Variants in IQCK observed in about 807,000 individuals in gnomAD.
IQCK encodes IQ domain-containing protein K.
Under a neutral mutation model 28.1 loss-of-function variants are expected in IQCK, and 29 were observed. That is an observed-to-expected ratio of 1.03 (90% confidence interval 0.77 to 1.41). IQCK has a LOEUF of 1.41. IQCK is among the 40% of genes most tolerant of loss of function. The pLI, the probability that IQCK is intolerant of heterozygous loss-of-function variation, is 0.00. For synonymous variants in IQCK, 113 were observed against 115.1 expected, an observed-to-expected ratio of 0.98 and a Z score of 0.12; for missense variants, 359 against 314.7, an observed-to-expected ratio of 1.14 and a Z score of -1.07.
At chr16:19,823,270 C>T (rs947825041) in intron 7 of IQCK, among the ~76,000 whole-genome samples, 15 of 152,114 alleles carry the variant, frequency 9.9e-5, no homozygotes, top group Non-Finnish European at 1.9e-4. Context: ...CCATGGTCAG[C>T]AGAGTTGGGG....
chr16:19,823,795 G>T (rs11863736), intron 7 of IQCK, among the ~76,000 whole-genome samples: 35,188 of 151,994 alleles, frequency 0.23, 4,274 homozygotes, highest in Admixed American at 0.28. Context: ...AAATTAGATG[G>T]GGTGGTGCAT....
chr16:19,755,882 T>A (rs1374170241), intron 4 of IQCK, among the ~76,000 whole-genome samples: 2 of 152,180 alleles, frequency 1.3e-5, no homozygotes, highest in Non-Finnish European at 2.9e-5. Flanking sequence ...TCCAAACACA[T>A]GCTGAAAGAG....
At chr16:19,833,378 T>A (rs549586927) in intron 9 of IQCK, among the ~76,000 whole-genome samples, 1 of 152,190 alleles carries the variant, frequency 6.6e-6, no homozygotes. Flanking sequence ...TAATACATTA[T>A]GCAATGTGAA....
intron 7 of IQCK, among the ~76,000 whole-genome samples, chr16:19,821,283 A>C (rs898496013): frequency 1.3e-5 from 2 of 152,242 alleles, no homozygotes; most frequent in Non-Finnish European, 2.9e-5. Context: ...GCCCTCATTC[A>C]TTGCTGGTGA....
chr16:19,792,854 C>T (rs1170993279), intron 7 of IQCK, among the ~76,000 whole-genome samples: 1 of 115,128 alleles, frequency 8.7e-6, no homozygotes, highest in Non-Finnish European at 1.6e-5. Context: ...GCTGGGATTA[C>T]AGGCGTGAGC....
intron 9 of IQCK, among the ~76,000 whole-genome samples, chr16:19,840,815 A>G (rs1417420057): frequency 6.6e-6 from 1 of 152,230 alleles, no homozygotes; most frequent in East Asian, 1.9e-4. Flanking sequence ...GATGTTATTT[A>G]TGGAGTTCAA....
intron 7 of IQCK, among the ~76,000 whole-genome samples, chr16:19,814,220 CAAAAA>C (rs71146272): frequency 4.6e-4 from 9 of 19,436 alleles, no homozygotes; most frequent in African/African-American, 5.3e-4. Context: ...AACTCTATCT[CAAAAA>C]AAAAAAAAAA....
exon 10 of IQCK, chr16:19,858,371 GCT>G: frequency 2.1e-6 from 1 of 473,682 alleles, no homozygotes; most frequent in Admixed American, 3.7e-5. Context: ...CTCAAAGATG[GCT>G]CTGTTCTTAT....
At chr16:19,858,259 ACT>A in exon 10 of IQCK, 1 of 393,576 alleles carries the variant, frequency 2.5e-6, no homozygotes, top group Non-Finnish European at 4.5e-6. Flanking sequence ...CGTTCAGCCC[ACT>A]CTCAACCTTA....
chr16:19,814,760 C>T (rs905504306), intron 7 of IQCK, among the ~76,000 whole-genome samples: 2 of 149,586 alleles, frequency 1.3e-5, no homozygotes, highest in African/African-American at 4.9e-5. Flanking sequence ...AGACAAAAGG[C>T]CGAAAACATT....
intron 4 of IQCK, chr16:19,762,119 G>A (rs981245755): frequency 5.9e-5 from 9 of 152,316 alleles, no homozygotes; most frequent in African/African-American, 1.7e-4. Flanking sequence ...TTATCTCATC[G>A]GGCAGAACTG....
At chr16:19,852,234 T>A (rs556671822) in intron 9 of IQCK, among the ~76,000 whole-genome samples, 2 of 152,270 alleles carry the variant, frequency 1.3e-5, no homozygotes, top group East Asian at 1.9e-4. Flanking sequence ...TCTTTTTACC[T>A]TTTGGGGGGT....
intron 6 of IQCK, among the ~76,000 whole-genome samples, chr16:19,767,242 G>A (rs566749928): frequency 1.1e-4 from 17 of 152,282 alleles, no homozygotes; most frequent in South Asian, 8.3e-4. Context: ...ATCTATAGGC[G>A]GTTTGTGTTA....
At chr16:19,849,950 A>G (rs1056892057) in intron 9 of IQCK, among the ~76,000 whole-genome samples, 1 of 152,136 alleles carries the variant, frequency 6.6e-6, no homozygotes. Flanking sequence ...AACAATTTCA[A>G]ATTTGCATAA....
At chr16:19,850,213 A>C (rs2056465818) in intron 9 of IQCK, among the ~76,000 whole-genome samples, 1 of 151,954 alleles carries the variant, frequency 6.6e-6, no homozygotes, top group Non-Finnish European at 1.5e-5. Context: ...AATCACAGAC[A>C]TTTTTGCTGT....
At chr16:19,730,049 G>A (rs776374635) in intron 1 of IQCK, among the ~76,000 whole-genome samples, 16 of 151,584 alleles carry the variant, frequency 1.1e-4, no homozygotes, top group Non-Finnish European at 2.1e-4. Flanking sequence ...TCTGCCTCCC[G>A]GGTTCAAGCA....
At chr16:19,828,109 C>T (rs1268710803), downstream of IQCK, among the ~76,000 whole-genome samples, 3 of 151,806 alleles carry the variant, frequency 2.0e-5, no homozygotes, top group African/African-American at 4.8e-5. Flanking sequence ...CACAGGGTTT[C>T]ACCATGTTGG....
intron 7 of IQCK, among the ~76,000 whole-genome samples, chr16:19,803,461 A>T (rs977662965): frequency 1.3e-5 from 2 of 152,092 alleles, no homozygotes; most frequent in African/African-American, 4.8e-5. Context: ...GTATTGTTTA[A>T]TAGCTCCCAG....
chr16:19,772,454 AATT>A (rs543879494), intron 6 of IQCK, among the ~76,000 whole-genome samples: 9 of 152,192 alleles, frequency 5.9e-5, no homozygotes, highest in Admixed American at 1.3e-4. Flanking sequence ...GAAATTAAAA[AATT>A]ATTATTTAAG....
Sources: allele counts gnomAD v4.1 joint callset (sites outside exome capture counted in the v4.1 genomes callset), GRCh38; gene constraint gnomAD v4.1.1; transcripts MANE v1.5; gene names NCBI Gene and HGNC (gene_info 2026-07-23, HGNC 2026-07-21).